ZNF276: variants seen among roughly 807,000 people sequenced by gnomAD.
ZNF276 encodes centromere protein Z.
Under a neutral mutation model 63.9 loss-of-function variants are expected in ZNF276, and 59 were observed. The observed-to-expected ratio is 0.92, with a 90% CI of 0.75 to 1.15. ZNF276 has a LOEUF of 1.15. Ranked by LOEUF, ZNF276 falls within the 50% of genes most tolerant of loss-of-function variation. The pLI is 0.00. For missense variants in ZNF276, 1,084 were observed against 843.8 expected, an observed-to-expected ratio of 1.28 and a Z score of -3.53; for synonymous variants, 496 against 348.4, an observed-to-expected ratio of 1.42 and a Z score of -4.72.
Position 89,722,686 on chromosome 16 carries a change from C to G in ZNF276, c.361C>G (p.Leu121Val). 1.2e-6 allele frequency: 2 copies of G among 1,612,418 alleles called. No homozygotes were observed. The highest frequency in any genetic ancestry group is 8.5e-7 in the Non-Finnish European group (1 of 1,180,032). The change falls in exon 2 of 11, where the codon CTT becomes GTT. Residue 121 changes from leucine (L) to valine (V), a missense_variant. Transcript: ENST00000443381. The stretch of plus-strand genomic sequence containing the variant: ...GCTCGTACGGGACTTCCAGCGCCTG[C>G]TTGGTGTGGCTGTCCGCCAGGACCC... Reference protein sequence around the residue: ...RVLVRDFQRLLGVAVRQDPTL... With the variant: ...RVLVRDFQRLVGVAVRQDPTL...
chr16:89,737,791 A>G lies in ZNF276; in HGVS notation c.1475-15A>G. ...AGCATCAGGGGCCTGGACTCACTGG[A>G]CTCTCCCCTCTCAGAGGTGCGGAAC... On this transcript the variant is annotated splice_polypyrimidine_tract_variant and intron_variant, in intron 9 of 10. Transcript: ENST00000443381. The G allele has an allele frequency of 6.2e-7, 1 of 1,613,860 alleles. No homozygotes were observed. The highest frequency in any genetic ancestry group is 8.5e-7 in the Non-Finnish European group (1 of 1,179,958).
rs145002319 is a variant in ZNF276, at chr16:89,723,447, C to T, written c.744C>T (p.Cys248=). The change falls in exon 4 of 11, where the codon TGC becomes TGT. Residue 248 remains cysteine (C), a synonymous_variant. Transcript: ENST00000443381. ...HDYTMDTSSS[C]KAFLLDSALA... ...ACACCATGGATACCAGCTCCAGCTG[C>T]AAGGCCTTCTTGCTGGACAGTGCGC... 6.2e-7 allele frequency: 1 copy of T among 1,613,080 alleles called. No homozygotes were observed. Among genetic ancestry groups the T allele is most frequent in the East Asian group, 2.2e-5 (1 of 44,884 alleles).
intron 4 of ZNF276, among the ~76,000 whole-genome samples, chr16:89,725,902 C>T (rs1306623331): frequency 6.6e-6 from 1 of 152,190 alleles, no homozygotes; most frequent in Non-Finnish European, 1.5e-5. Flanking sequence ...CTGCCTTGGC[C>T]TCCCAAAAGG....
rs773679037 is a variant in ZNF276 at position 89,739,020 on chromosome 16, A to C, written c.*774A>C. The C allele has an allele frequency of 1.2e-6, 2 of 1,613,906 alleles. No individual in the cohort carries two copies. The highest frequency in any genetic ancestry group is 2.7e-5 in the African/African-American group (2 of 74,904). On this transcript the variant is annotated 3_prime_UTR_variant, in exon 11 of 11. Transcript: ENST00000443381. ...CTCACAGGTTAGAAGACATACAGAA[A>C]CAGGGCTGGTGTGTCCCCCATAGTC...
rs200215131 is a variant in ZNF276, at chr16:89,739,539, G to A, written c.*1293G>A. ...TCCGGGGCCACACGGAGGAGGAGCC[G>A]CCCCAGCCTGAGGTCTGCAACACCA... On this transcript the variant is annotated 3_prime_UTR_variant, in exon 11 of 11. Coordinates refer to ENST00000443381, the MANE Select transcript of ZNF276 (RefSeq NM_001113525.2). 38 of 1,551,270 alleles carry A rather than the reference G, an allele frequency of 2.4e-5. No individual in the cohort carries two copies. Among genetic ancestry groups the A allele is most frequent in the Middle Eastern group, 1.7e-4 (1 of 5,942 alleles).
At chr16:89,733,834 C>T (rs987914528) in intron 8 of ZNF276, 87 bp from the exon 9 acceptor site, 3 of 1,272,272 alleles carry the variant, frequency 2.4e-6, no homozygotes, top group Non-Finnish European at 3.4e-6. Flanking sequence ...ATCTGCCTTC[C>T]AGGGGCCTCA....
At chr16:89,726,194 T>G (rs1467825373) in intron 4 of ZNF276, among the ~76,000 whole-genome samples, 1 of 151,668 alleles carries the variant, frequency 6.6e-6, no homozygotes, top group African/African-American at 2.4e-5. Context: ...TTTTTTGTAT[T>G]TGTATTTGTA....
Position 89,738,591 on chromosome 16 carries a change from G to A in ZNF276, c.*345G>A. 1 of 1,612,840 alleles carries A rather than the reference G, an allele frequency of 6.2e-7. No individual in the cohort carries two copies. Among genetic ancestry groups the A allele is most frequent in the South Asian group, 1.1e-5 (1 of 91,038 alleles). On this transcript the variant is annotated 3_prime_UTR_variant, in exon 11 of 11. Transcript: ENST00000443381. ...ACGGGAGCTGGGCTGGTGTGCAGTG[G>A]CAGGTCCCGTCAGAAGAGATGAGGC...
chr16:89,733,288 C>T lies in ZNF276; in HGVS notation c.1170-14C>T. On this transcript the variant is annotated splice_polypyrimidine_tract_variant and intron_variant, in intron 6 of 10. Transcript: ENST00000443381. ...GATCAGAAACCATTGAATTTGGGAA[C>T]CTCTTTTTTTCAGAGTCTCTGGTAA... The T allele has an allele frequency of 6.2e-7, 1 of 1,606,732 alleles. No individual in the cohort carries two copies.
chr16:89,720,537 C>G (rs565463571), upstream of ZNF276: 4 of 1,166,490 alleles, frequency 3.4e-6, no homozygotes, highest in African/African-American at 4.8e-5. Flanking sequence ...ACCGGCTCAG[C>G]GAGCGGAGTG....
At chr16:89,721,018 T>G, upstream of ZNF276, 1 of 686,814 alleles carries the variant, frequency 1.5e-6, no homozygotes, top group Non-Finnish European at 2.0e-6. Context: ...CCGCGCGTAC[T>G]GCGGGCCCCA....
In ZNF276 at chr16:89,739,622, C is replaced by T; in HGVS notation, c.*1376C>T. ...CCTATTATCAGTGCTGGGGACACCC[C>T]TGGGGGTCGGGACGTGTACCCTGGG... On this transcript the variant is annotated 3_prime_UTR_variant, in exon 11 of 11. Coordinates refer to ENST00000443381, the MANE Select transcript of ZNF276 (RefSeq NM_001113525.2). The T allele has an allele frequency of 2.0e-6, 3 of 1,531,634 alleles. No homozygotes were observed. The highest frequency in any genetic ancestry group is 2.7e-6 in the Non-Finnish European group (3 of 1,129,934). The allele number at this position is 1,531,634 out of a possible 1,614,324, so 94.9% of individuals were successfully genotyped here.
At position 89,738,884 on chromosome 16, in the gene ZNF276, C is replaced by A. The variant is rs984285795; in HGVS notation, c.*638C>A. On this transcript the variant is annotated 3_prime_UTR_variant, in exon 11 of 11. Coordinates refer to ENST00000443381, the MANE Select transcript of ZNF276 (RefSeq NM_001113525.2). ...CAAGGTGGGCATCTTGACGTTACCT[C>A]TGCCACGTGTGAGAAGCTCTTTTTC... 1.9e-6 allele frequency: 3 copies of A among 1,614,264 alleles called. No individual in the cohort carries two copies. Among genetic ancestry groups the A allele is most frequent in the African/African-American group, 2.7e-5 (2 of 75,084 alleles).
Position 89,737,969 on chromosome 16 carries a change from C to T in ZNF276, c.1575-7C>T, listed in dbSNP as rs780907579. 4 of 1,613,960 alleles carry T rather than the reference C, an allele frequency of 2.5e-6. No homozygotes were observed. The African/African-American group carries it at 4.0e-5, about 16-fold the overall frequency. ...CTCGCACCTTCTTATCTGCCTCTGT[C>T]CCCCAGGTGTGAGGTCTGTGGGTTC... is the stretch of plus-strand genomic sequence containing the variant. On this transcript the variant is annotated splice_region_variant and splice_polypyrimidine_tract_variant and intron_variant, in intron 10 of 10. Coordinates refer to ENST00000443381, the MANE Select transcript of ZNF276 (RefSeq NM_001113525.2).
At chr16:89,737,497 G>C (rs906297318) in intron 9 of ZNF276, 2 of 381,850 alleles carry the variant, frequency 5.2e-6, no homozygotes, top group African/African-American at 2.0e-5. Flanking sequence ...CTGCAGCCTG[G>C]GTAACAGAGC....
rs766402521 is a variant in ZNF276, at chr16:89,723,324, G to C, written c.621G>C (p.Ala207=). 1 of 1,613,008 alleles carries C rather than the reference G, an allele frequency of 6.2e-7. No individual in the cohort carries two copies. Among genetic ancestry groups the C allele is most frequent in the Non-Finnish European group, 8.5e-7 (1 of 1,180,030 alleles). The change falls in exon 4 of 11, where the codon GCG becomes GCC. Residue 207 remains alanine (A), a synonymous_variant. Coordinates refer to ENST00000443381, the MANE Select transcript of ZNF276 (RefSeq NM_001113525.2). ...TGGTGGGGTGGGTGCATGGACATGC[G>C]GCCAGCTGCGGGGCCCTGCCCCACC... ...HGLVGWVHGH[A]ASCGALPHLQ...
chr16:89,720,656 C>T (rs930102337), upstream of ZNF276: 16 of 1,234,736 alleles, frequency 1.3e-5, no homozygotes, highest in African/African-American at 4.8e-5. Flanking sequence ...GGCTGGCGCC[C>T]GCTCCCAAGT....
chr16:89,721,208 C>T (rs980904195), upstream of ZNF276: 1 of 226,024 alleles, frequency 4.4e-6, no homozygotes, highest in Non-Finnish European at 8.6e-6. Flanking sequence ...CTTTCTGCAG[C>T]CCGCCCGCCA....
intron 5 of ZNF276, among the ~76,000 whole-genome samples, chr16:89,728,181 TATAGC>T (rs2061525275): frequency 6.6e-6 from 1 of 150,924 alleles, no homozygotes; most frequent in African/African-American, 2.4e-5. Flanking sequence ...CAGCTGAGGT[TATAGC>T]ATAAAGGCCA....
Sources: allele counts gnomAD v4.1 joint callset (sites outside exome capture counted in the v4.1 genomes callset), GRCh38; gene constraint gnomAD v4.1.1; transcripts MANE v1.5; gene names NCBI Gene and HGNC (gene_info 2026-07-23, HGNC 2026-07-21).